CILK1: variants seen among roughly 807,000 people sequenced by gnomAD.
CILK1 encodes the protein ciliogenesis associated kinase 1, also known as serine/threonine-protein kinase ICK.
A neutral mutation model predicts 79.2 loss-of-function variants in CILK1; 47 were observed. That is an observed-to-expected ratio of 0.59 (90% CI 0.47 to 0.76). The LOEUF (loss-of-function observed/expected upper bound fraction) is 0.76. Ranked by LOEUF, CILK1 falls within the 30% of genes least tolerant of loss-of-function variation. The pLI, the probability that CILK1 is intolerant of heterozygous loss-of-function variation, is 0.00. For missense variants in CILK1, 660 were observed against 769.5 expected, an observed-to-expected ratio of 0.86 and a Z score of 1.68; for synonymous variants, 266 against 275.9, an observed-to-expected ratio of 0.96 and a Z score of 0.36.
At chr6:53,050,900 G>A (rs538886929) in intron 1 of CILK1, among the ~76,000 whole-genome samples, 23 of 152,108 alleles carry the variant, frequency 1.5e-4, no homozygotes, top group Non-Finnish European at 2.4e-4. Flanking sequence ...TCTGAAATAC[G>A]CTTAAGACAC....
chr6:53,059,193 A>G (rs1207100138), intron 1 of CILK1, among the ~76,000 whole-genome samples: 4 of 152,116 alleles, frequency 2.6e-5, no homozygotes, highest in African/African-American at 9.7e-5. Flanking sequence ...GGCACTATAG[A>G]CCATCTTCAC....
chr6:53,051,588 C>T (rs138086512), intron 1 of CILK1, among the ~76,000 whole-genome samples: 1 of 152,204 alleles, frequency 6.6e-6, no homozygotes, highest in Non-Finnish European at 1.5e-5. Flanking sequence ...TCCTCTGTCT[C>T]TAGCTTATAA....
At position 53,026,091 on chromosome 6, in the gene CILK1, T is replaced by C. The variant is rs372931237; in HGVS notation, c.358+4974A>G. Among the ~76,000 whole-genome samples the C allele has an allele frequency of 1.6e-4, 25 of 152,346 alleles. 1 individual carries two copies. Among genetic ancestry groups the C allele is most frequent in the African/African-American group, 6.0e-4 (25 of 41,584 alleles). ...TCTTATCTGTAAAATGGGGAAATAA[T>C]AGCATCTACCTAATAGGGTTGTTCT... On this transcript the variant is annotated intron_variant, in intron 5 of 13. Transcript: ENST00000676107.
chr6:53,019,680 T>C (rs1562014050), intron 5 of CILK1, among the ~76,000 whole-genome samples: 1 of 152,094 alleles, frequency 6.6e-6, no homozygotes, highest in Non-Finnish European at 1.5e-5. Context: ...AAGGGAAAAA[T>C]ATCACTGACG....
chr6:53,032,107 C>A (rs1766007537), intron 4 of CILK1, among the ~76,000 whole-genome samples: 1 of 152,198 alleles, frequency 6.6e-6, no homozygotes, highest in Admixed American at 6.5e-5. Flanking sequence ...GCTGGGATTA[C>A]AGGCGTCAGC....
chr6:53,047,828 A>G (rs1767202020), intron 1 of CILK1, among the ~76,000 whole-genome samples: 1 of 151,986 alleles, frequency 6.6e-6, no homozygotes, highest in South Asian at 2.1e-4. Context: ...ACAGGAGACT[A>G]TGGGTTTGAG....
chr6:53,049,544 T>C (rs1468249760), intron 1 of CILK1, among the ~76,000 whole-genome samples: 2 of 152,236 alleles, frequency 1.3e-5, no homozygotes, highest in East Asian at 1.9e-4. Context: ...CTTTGTGACC[T>C]TGTGCAATCC....
intron 1 of CILK1, among the ~76,000 whole-genome samples, chr6:53,042,390 C>T (rs1766779355): frequency 6.6e-6 from 1 of 152,174 alleles, no homozygotes; most frequent in Non-Finnish European, 1.5e-5. Flanking sequence ...ATACTGTGTT[C>T]TATACACTTG....
intron 12 of CILK1, among the ~76,000 whole-genome samples, chr6:53,007,832 T>G (rs1245712280): frequency 6.6e-6 from 1 of 151,328 alleles, no homozygotes; most frequent in East Asian, 1.9e-4. Context: ...CCTAGCTACT[T>G]GGGAGGCTGA....
At chr6:53,033,498 C>G (rs1766103805) in intron 3 of CILK1, among the ~76,000 whole-genome samples, 1 of 151,920 alleles carries the variant, frequency 6.6e-6, no homozygotes, top group Non-Finnish European at 1.5e-5. Context: ...CATCCCTCTT[C>G]TTGTACAGCA....
At chr6:53,026,322 T>A (rs1765573979) in intron 5 of CILK1, among the ~76,000 whole-genome samples, 2 of 152,226 alleles carry the variant, frequency 1.3e-5, no homozygotes, top group South Asian at 2.1e-4. Flanking sequence ...CTAATTTTTG[T>A]ATTTTTAGTA....
intron 1 of CILK1, among the ~76,000 whole-genome samples, chr6:53,043,273 G>A (rs183062081): frequency 2.0e-4 from 30 of 151,942 alleles, no homozygotes; most frequent in African/African-American, 7.2e-4. Context: ...CCGAGATCAC[G>A]CCACTGCACG....
intron 4 of CILK1, among the ~76,000 whole-genome samples, chr6:53,031,471 C>T (rs187147272): frequency 6.6e-5 from 10 of 152,286 alleles, no homozygotes; most frequent in African/African-American, 2.2e-4. Context: ...CTGGGCAAAA[C>T]ACACAGCACA....
Position 53,009,453 on chromosome 6 carries a change from C to T in CILK1, c.1607G>A (p.Ser536Asn), listed in dbSNP as rs376907105. 1.2e-6 allele frequency: 2 copies of T among 1,614,002 alleles called. No individual in the cohort carries two copies. The highest frequency in any genetic ancestry group is 1.7e-6 in the Non-Finnish European group (2 of 1,179,992). ...TCATTACTCACCTGAATTTACTTTG[C>T]TGATTACTGACATTGTCCCTGAAGA... Reference protein sequence around the residue: ...GKSSGTMSVISKVNSVGSSST... With the variant: ...GKSSGTMSVINKVNSVGSSST... Residue 536 changes from serine to asparagine, a missense_variant, in exon 12 of 14, where the codon AGC (serine) becomes AAC (asparagine). By Grantham distance (46) the Ser-to-Asn change is conservative. Coordinates refer to ENST00000676107, the MANE Select transcript of CILK1 (RefSeq NM_014920.5).
chr6:53,059,143 G>T (rs1343099392), intron 1 of CILK1, among the ~76,000 whole-genome samples: 1 of 152,174 alleles, frequency 6.6e-6, no homozygotes, highest in Non-Finnish European at 1.5e-5. Flanking sequence ...ACTGTCAAGG[G>T]ATAAGCAGAC....
intron 1 of CILK1, among the ~76,000 whole-genome samples, chr6:53,059,929 T>G (rs1285100176): frequency 1.3e-5 from 2 of 152,208 alleles, no homozygotes; most frequent in Non-Finnish European, 2.9e-5. Context: ...TGGGAGGCTG[T>G]TGCAGTACTG....
chr6:53,015,646 T>TTAGTATAG (rs1764847492), intron 8 of CILK1, among the ~76,000 whole-genome samples: 1 of 152,248 alleles, frequency 6.6e-6, no homozygotes. Context: ...GTGCAGTTAC[T>TTAGTATAG]ATCCTAGGTC....
At chr6:53,030,994 G>T in intron 5 of CILK1, 71 bp downstream of exon 5, 1 of 1,089,250 alleles carries the variant, frequency 9.2e-7, no homozygotes, top group Non-Finnish European at 1.4e-6. Context: ...AAATATTAAT[G>T]TTTCCTACAA....
At chr6:53,031,227 T>C (rs1765942500) in intron 4 of CILK1, 83 bp from the exon 5 acceptor site, 2 of 873,280 alleles carry the variant, frequency 2.3e-6, no homozygotes, top group Non-Finnish European at 3.9e-6. Flanking sequence ...CATTTGTCCA[T>C]ACAGGGGAGC....
Sources: gnomAD v4.1 joint callset for allele counts (sites outside exome capture counted in the v4.1 genomes callset) on GRCh38, gnomAD v4.1.1 for gene constraint, MANE v1.5 for transcripts, NCBI Gene and HGNC (gene_info 2026-07-23, HGNC 2026-07-21) for gene names.